Variants in BCAR3 observed in about 807,000 individuals in gnomAD.
BCAR3 encodes the protein breast cancer anti-estrogen resistance protein 3.
BCAR3 carries 37 observed loss-of-function variants against 80.1 expected under a neutral mutation model. The ratio of observed to expected loss-of-function variants is 0.46; its 90% CI spans 0.36 to 0.61. The LOEUF is 0.61. Ranked by LOEUF, BCAR3 falls within the 20% of genes least tolerant of loss-of-function variation. BCAR3 has a pLI of 0.00. For synonymous variants in BCAR3, 389 were observed against 418.9 expected, an observed-to-expected ratio of 0.93 and a Z score of 0.87; for missense variants, 978 against 1,068.2, an observed-to-expected ratio of 0.92 and a Z score of 1.18.
intron 2 of BCAR3, among the ~76,000 whole-genome samples, chr1:93,742,952 C>T (rs10782966): frequency 0.71 from 108,565 of 152,172 alleles, 39,697 homozygotes; most frequent in African/African-American, 0.87. Context: ...CTGAGTAGAA[C>T]TGGAAAGAAA....
intron 2 of BCAR3, among the ~76,000 whole-genome samples, chr1:93,765,517 T>G (rs993458344): frequency 6.6e-6 from 1 of 152,178 alleles, no homozygotes; most frequent in Admixed American, 6.5e-5. Context: ...GTATACAACC[T>G]GATGACTCTG....
At chr1:93,788,921 G>T (rs1448476031) in intron 2 of BCAR3, among the ~76,000 whole-genome samples, 1 of 152,124 alleles carries the variant, frequency 6.6e-6, no homozygotes, top group African/African-American at 2.4e-5. Context: ...TAGAGAATGT[G>T]TGATTTTAGT....
chr1:93,758,351 T>TGGCTGGAAAAGAACAAGTGTC (rs1393704604), intron 2 of BCAR3, among the ~76,000 whole-genome samples: 1 of 152,152 alleles, frequency 6.6e-6, no homozygotes, highest in East Asian at 1.9e-4. Flanking sequence ...GCCCTGCCAG[T>TGGCTGGAAAAGAACAAGTGTC]GGCTGGAAAA....
intron 3 of BCAR3, among the ~76,000 whole-genome samples, chr1:93,635,970 A>C (rs1570992022): frequency 6.6e-6 from 1 of 151,934 alleles, no homozygotes; most frequent in Non-Finnish European, 1.5e-5. Flanking sequence ...AAGTCACATC[A>C]CCCCTTCTCC....
chr1:93,608,294 G>T (rs1449500651), intron 3 of BCAR3, among the ~76,000 whole-genome samples: 2 of 152,218 alleles, frequency 1.3e-5, no homozygotes. Context: ...CAGAGATGGT[G>T]TCCAACCTCC....
chr1:93,777,181 T>C (rs1652579778), intron 2 of BCAR3, among the ~76,000 whole-genome samples: 1 of 152,314 alleles, frequency 6.6e-6, no homozygotes, highest in East Asian at 1.9e-4. Flanking sequence ...CCTGTCAGTA[T>C]TTTGATTTCT....
chr1:93,709,353 G>C (rs779760603), intron 2 of BCAR3, among the ~76,000 whole-genome samples: 2 of 152,150 alleles, frequency 1.3e-5, no homozygotes, highest in African/African-American at 4.8e-5. Flanking sequence ...GCCAGCCTGC[G>C]GTCTGTTCAA....
At chr1:93,838,397 C>G (rs1295894130) in intron 2 of BCAR3, among the ~76,000 whole-genome samples, 2 of 152,194 alleles carry the variant, frequency 1.3e-5, no homozygotes, top group Admixed American at 6.5e-5. Context: ...AGTCTAGCAA[C>G]AGTGAGAACA....
At chr1:93,834,379 A>G (rs1654688538) in intron 2 of BCAR3, among the ~76,000 whole-genome samples, 1 of 151,958 alleles carries the variant, frequency 6.6e-6, no homozygotes, top group Non-Finnish European at 1.5e-5. Flanking sequence ...CCATTATTCT[A>G]TTCTAGATAA....
At chr1:93,833,392 C>T (rs1571159022) in intron 2 of BCAR3, among the ~76,000 whole-genome samples, 3 of 152,130 alleles carry the variant, frequency 2.0e-5, no homozygotes. Flanking sequence ...CATTGATAAA[C>T]ATCTTAACAG....
At chr1:93,614,877 C>G (rs544515702) in intron 3 of BCAR3, among the ~76,000 whole-genome samples, 1 of 152,274 alleles carries the variant, frequency 6.6e-6, no homozygotes, top group Admixed American at 6.5e-5. Context: ...TCCAACGCAG[C>G]CAAGCAAGGC....
intron 2 of BCAR3, among the ~76,000 whole-genome samples, chr1:93,651,073 C>A (rs536637914): frequency 2.0e-5 from 3 of 152,266 alleles, no homozygotes; most frequent in African/African-American, 7.2e-5. Context: ...AGAAAACCAG[C>A]AACCAGGTAG....
At chr1:93,583,337 C>A (rs570334643) in intron 6 of BCAR3, among the ~76,000 whole-genome samples, 1 of 152,270 alleles carries the variant, frequency 6.6e-6, no homozygotes, top group East Asian at 1.9e-4. Flanking sequence ...TAAAATGCCA[C>A]TCTCAAAGGG....
At chr1:93,832,585 T>A (rs1051766049) in intron 2 of BCAR3, among the ~76,000 whole-genome samples, 2 of 152,050 alleles carry the variant, frequency 1.3e-5, no homozygotes, top group Admixed American at 6.5e-5. Flanking sequence ...ATGCTTTGGG[T>A]AACTCTTACA....
In BCAR3 at chr1:93,658,788, T is replaced by C. The variant is rs141212988; in HGVS notation, c.317+15826A>G. 3.6e-4 allele frequency among the ~76,000 whole-genome samples: 55 copies of C among 152,360 alleles called. No homozygotes were observed. The East Asian group carries it at 0.011, about 29-fold the overall frequency. Reference sequence around the variant, plus strand: ...GGAGTTCTTGCTTTGCTGGTGTTTATTCATCCTGAATGAACTCATTCCTAG... The same window carrying C: ...GGAGTTCTTGCTTTGCTGGTGTTTACTCATCCTGAATGAACTCATTCCTAG... On this transcript the variant is annotated intron_variant, in intron 2 of 11. Coordinates refer to ENST00000260502, the MANE Select transcript of BCAR3 (RefSeq NM_003567.4).
At position 93,576,383 on chromosome 1, in the gene BCAR3, G is replaced by C. The variant is rs112942390; in HGVS notation, c.1687-254C>G. Among the ~76,000 whole-genome samples, 142 of 152,344 alleles carry C rather than the reference G, an allele frequency of 9.3e-4. 1 individual carries two copies. The highest frequency in any genetic ancestry group is 3.3e-3 in the African/African-American group (136 of 41,570). ...GCTGACACTGCTCTGCAGATCTACA[G>C]ATTTGTTAAGTGTTTCTGCCCAGCC... On this transcript the variant is annotated intron_variant, in intron 7 of 11. Coordinates refer to ENST00000260502, the MANE Select transcript of BCAR3 (RefSeq NM_003567.4).
At chr1:93,574,608 C>T (rs964720539) in intron 8 of BCAR3, among the ~76,000 whole-genome samples, 10 of 152,180 alleles carry the variant, frequency 6.6e-5, no homozygotes, top group Non-Finnish European at 1.2e-4. Flanking sequence ...GAAAATAGGG[C>T]TCAGATTCAT....
rs1200749923 is a variant in BCAR3 at position 93,567,728 on chromosome 1, C to T, written c.2086+12G>A. 3.1e-6 allele frequency: 5 copies of T among 1,608,408 alleles called. No homozygotes were observed. Among genetic ancestry groups the T allele is most frequent in the Middle Eastern group, 1.7e-4 (1 of 5,928 alleles). On this transcript the variant is annotated intron_variant, in intron 10 of 11. Coordinates refer to ENST00000260502, the MANE Select transcript of BCAR3 (RefSeq NM_003567.4). ...CGGGGTAGCCCCATGCTTGCTCTGCCCACGTGCTCACCTCTGCCTTCATGC... is the reference window on the plus strand; with the variant it reads ...CGGGGTAGCCCCATGCTTGCTCTGCTCACGTGCTCACCTCTGCCTTCATGC...
chr1:93,635,174 T>C (rs977014181), intron 3 of BCAR3, among the ~76,000 whole-genome samples: 1 of 151,988 alleles, frequency 6.6e-6, no homozygotes, highest in South Asian at 2.1e-4. Flanking sequence ...GAGCTATGAT[T>C]GCACCACTGA....
Sources: gnomAD v4.1 joint callset for allele counts (sites outside exome capture counted in the v4.1 genomes callset) on GRCh38, gnomAD v4.1.1 for gene constraint, MANE v1.5 for transcripts, NCBI Gene and HGNC (gene_info 2026-07-23, HGNC 2026-07-21) for gene names.